The following TMX3 variants were observed in gnomAD, a reference collection of about 807,000 sequenced individuals.
TMX3 encodes the protein protein disulfide-isomerase TMX3.
In TMX3, 40 loss-of-function variants were observed where a neutral mutation model predicts 64.4. That is an observed-to-expected ratio of 0.62 (90% CI 0.48 to 0.81). The LOEUF is 0.81. Ranked by LOEUF, TMX3 falls within the 30% of genes least tolerant of loss-of-function variation. TMX3 has a pLI of 0.00. For missense variants in TMX3, 497 were observed against 534.5 expected (o/e 0.93, Z 0.69); for synonymous variants, 189 against 175.7 (o/e 1.08, Z -0.60).
At position 68,699,642 on chromosome 18, in the gene TMX3, C is replaced by T. The variant is rs766475390; in HGVS notation, c.392+763G>A. Among the ~76,000 whole-genome samples the T allele has an allele frequency of 3.4e-4, 51 of 152,048 alleles. 1 individual carries two copies. The highest frequency in any genetic ancestry group is 2.0e-4 in the Admixed American group (3 of 15,268). ...ATATATCCCATTAAACTCATAAGTGCCTATACTTTAAAGCCAATAAAGATT... is the reference window on the plus strand; with the variant it reads ...ATATATCCCATTAAACTCATAAGTGTCTATACTTTAAAGCCAATAAAGATT... On this transcript the variant is annotated intron_variant, in intron 6 of 15. Transcript: ENST00000299608.
chr18:68,714,321 G>A (rs309250), intron 1 of TMX3: 32,171 of 155,482 alleles, frequency 0.21, 5,498 homozygotes, highest in African/African-American at 0.47. Context: ...AGATACGTAG[G>A]AAGAAAGTCG....
In TMX3 at chr18:68,697,872, G is replaced by A. The variant is rs1599324285; in HGVS notation, c.492+60C>T. On this transcript the variant is annotated intron_variant, in intron 7 of 15. Transcript: ENST00000299608. ...AGTTCTGCGTTTCTAGTGAAGTCTT[G>A]ATTATAGAGTAAATTAAATTACAAT... The A allele has an allele frequency of 8.3e-6, 9 of 1,086,534 alleles. No homozygotes were observed. In the East Asian group the frequency reaches 2.2e-4, roughly 27 times the overall value. 67.3% of individuals were successfully genotyped at this position (1,086,534 alleles called of 1,614,324 possible). A position where few individuals can be genotyped will look rare whatever the true frequency, so the allele number is the denominator to read the frequency against.
intron 11 of TMX3, 48 bp from the exon 12 acceptor site, chr18:68,684,291 C>T (rs547640381): frequency 6.5e-7 from 1 of 1,527,484 alleles, no homozygotes; most frequent in South Asian, 1.2e-5. Flanking sequence ...ACTTGAAAAA[C>T]ATAATTTTTC....
rs1912757197 is a variant in TMX3 at position 68,674,334 on chromosome 18, C to T, written c.*2599G>A. 1.3e-5 allele frequency: 2 copies of T among 152,112 alleles called. No homozygotes were observed. Among genetic ancestry groups the T allele is most frequent in the African/African-American group, 4.8e-5 (2 of 41,520 alleles). 9.4% of individuals were successfully genotyped at this position (152,112 alleles called of 1,614,324 possible). A position where few individuals can be genotyped will look rare whatever the true frequency, so the allele number is the denominator to read the frequency against. ...GATATAATGTGGTGCACAGGGTACT[C>T]GATAAAAACATGCACTTTGTCTCGC... On this transcript the variant is annotated 3_prime_UTR_variant, in exon 16 of 16. Transcript: ENST00000299608.
At chr18:68,714,899 G>C in intron 1 of TMX3, 37 bp downstream of exon 1, 2 of 1,548,298 alleles carry the variant, frequency 1.3e-6, no homozygotes, top group Non-Finnish European at 1.7e-6. Context: ...CAGGTCCCAC[G>C]CGCCCGCCAG....
intron 14 of TMX3, among the ~76,000 whole-genome samples, chr18:68,680,647 G>C (rs1913328074): frequency 6.6e-6 from 1 of 152,162 alleles, no homozygotes; most frequent in South Asian, 2.1e-4. Flanking sequence ...TCACTATTAA[G>C]ATTACCCCAC....
intron 15 of TMX3, among the ~76,000 whole-genome samples, chr18:68,678,924 AG>A (rs1292024952): frequency 6.6e-6 from 1 of 151,948 alleles, no homozygotes; most frequent in East Asian, 1.9e-4. Context: ...GAAAAAAAAA[AG>A]GAAGGAGAGA....
rs906856773 is a variant in TMX3 at position 68,675,013 on chromosome 18, A to G, written c.*1920T>C. 4 of 152,172 alleles carry G rather than the reference A, an allele frequency of 2.6e-5. No individual in the cohort carries two copies. The highest frequency in any genetic ancestry group is 4.4e-5 in the Non-Finnish European group (3 of 68,004). The allele number at this position is 152,172 out of a possible 1,614,324, so 9.4% of individuals were successfully genotyped here. A position where few individuals can be genotyped will look rare whatever the true frequency, so the allele number is the denominator to read the frequency against. On this transcript the variant is annotated 3_prime_UTR_variant, in exon 16 of 16. Transcript: ENST00000299608. ...CTTTCATTTACAGGTAATGATCAAC[A>G]AGACAAAAATATGTAAATGACTAAT... is the stretch of plus-strand genomic sequence containing the variant.
intron 9 of TMX3, among the ~76,000 whole-genome samples, chr18:68,690,843 G>A (rs992400642): frequency 3.3e-5 from 5 of 152,094 alleles, no homozygotes; most frequent in African/African-American, 7.2e-5. Flanking sequence ...AGCATTATGC[G>A]TCAATGAAGA....
intron 6 of TMX3, among the ~76,000 whole-genome samples, chr18:68,699,945 A>C (rs2145093605): frequency 6.6e-6 from 1 of 152,302 alleles, no homozygotes; most frequent in Admixed American, 6.5e-5. Context: ...TAAATAAGGA[A>C]AAATATTTTA....
Position 68,708,009 on chromosome 18 carries a change from G to GTATA in TMX3, c.265+2008_265+2011dup, listed in dbSNP as rs543494042. ...TGTGTATATATGTGTATATATATGT[G>GTATA]TATATGTGTATATATGTGTATATGT... On this transcript the variant is annotated intron_variant, in intron 4 of 15. Coordinates refer to ENST00000299608, the MANE Select transcript of TMX3 (RefSeq NM_019022.5). Among the ~76,000 whole-genome samples, 18 of 142,488 alleles carry GTATA rather than the reference G, an allele frequency of 1.3e-4. No individual in the cohort carries two copies. In the East Asian group the frequency reaches 1.4e-3, roughly 11 times the overall value. The allele number at this position is 142,488 out of a possible 152,430, so 93.5% of individuals were successfully genotyped here. A position where few individuals can be genotyped will look rare whatever the true frequency, so the allele number is the denominator to read the frequency against.
At chr18:68,695,940 C>CTA (rs1915024026) in intron 8 of TMX3, among the ~76,000 whole-genome samples, 1 of 152,160 alleles carries the variant, frequency 6.6e-6, no homozygotes, top group African/African-American at 2.4e-5. Flanking sequence ...TCACATTGGC[C>CTA]TACTGTTTTG....
intron 2 of TMX3, among the ~76,000 whole-genome samples, chr18:68,712,344 G>A (rs1022031786): frequency 3.9e-5 from 6 of 152,092 alleles, no homozygotes; most frequent in South Asian, 2.1e-4. Flanking sequence ...CTTGACCGGG[G>A]TCTGACAAGC....
intron 12 of TMX3, among the ~76,000 whole-genome samples, chr18:68,683,758 C>A (rs1462461222): frequency 3.9e-5 from 6 of 152,084 alleles, no homozygotes; most frequent in South Asian, 2.1e-4. Flanking sequence ...AGTAGTCCCC[C>A]CTTATCCATA....
chr18:68,688,032 A>C lies in TMX3; in HGVS notation c.638-267T>G, dbSNP rs555823817. 1.7e-4 allele frequency: 39 copies of C among 232,228 alleles called. No individual in the cohort carries two copies. The East Asian group carries it at 3.3e-3, about 20-fold the overall frequency. The allele number at this position is 232,228 out of a possible 1,614,324, so 14.4% of individuals were successfully genotyped here. On this transcript the variant is annotated intron_variant, in intron 9 of 15. Transcript: ENST00000299608. ...AAATATCCTAAATTGGAAATAATTT[A>C]AATAAATTTTGGTATATGTCGATAA...
chr18:68,680,035 TTAAA>T (rs1328673728), intron 14 of TMX3, among the ~76,000 whole-genome samples: 1 of 152,172 alleles, frequency 6.6e-6, no homozygotes, highest in East Asian at 1.9e-4. Flanking sequence ...AAATCTGTTG[TTAAA>T]TAGTCTGAGT....
intron 4 of TMX3, among the ~76,000 whole-genome samples, chr18:68,708,298 T>A (rs1418436118): frequency 1.3e-5 from 2 of 152,098 alleles, no homozygotes; most frequent in Non-Finnish European, 2.9e-5. Context: ...CACTAATATC[T>A]CACCTACACT....
Position 68,677,158 on chromosome 18 carries a change from A to G in TMX3, c.1140T>C (p.Phe380=), listed in dbSNP as rs755788914. 3 of 1,613,714 alleles carry G rather than the reference A, an allele frequency of 1.9e-6. No individual in the cohort carries two copies. The highest frequency in any genetic ancestry group is 8.5e-7 in the Non-Finnish European group (1 of 1,179,688). ...IFKSSPLMGC[F]LFGLPLGVIS... is the part of the protein sequence containing the mutation. The stretch of plus-strand genomic sequence containing the variant: ...TGACACCCAGTGGCAGGCCAAAGAG[A>G]AAGCAGCCCATCAGTGGTGAGCTCT... Residue 380 remains phenylalanine, a synonymous_variant, in exon 16 of 16, where the codon TTT becomes TTC. Transcript: ENST00000299608.
Position 68,694,520 on chromosome 18 carries a change from G to A in TMX3, c.570+2706C>T, listed in dbSNP as rs1332833794. On this transcript the variant is annotated intron_variant, in intron 8 of 15. Transcript: ENST00000299608. ...CATATCCCTTGCTGCTCCATGCCTC[G>A]CTCGTCCTTGGCAGGCACAGGATCT... is the stretch of plus-strand genomic sequence containing the variant. 4.6e-5 allele frequency among the ~76,000 whole-genome samples: 7 copies of A among 152,070 alleles called. No homozygotes were observed. In the South Asian group the frequency reaches 8.3e-4, roughly 18 times the overall value.
Sources: gnomAD v4.1 joint callset for allele counts (sites outside exome capture counted in the v4.1 genomes callset) on GRCh38, gnomAD v4.1.1 for gene constraint, MANE v1.5 for transcripts, NCBI Gene and HGNC (gene_info 2026-07-23, HGNC 2026-07-21) for gene names.